Variants in LRRC7 observed in about 807,000 individuals in gnomAD.
The protein encoded by LRRC7 is leucine-rich repeat-containing protein 7.
In LRRC7, 23 loss-of-function variants were observed where a neutral mutation model predicts 175.7. The observed-to-expected ratio is 0.13, with a 90% confidence interval of 0.09 to 0.19. The LOEUF (loss-of-function observed/expected upper bound fraction) is 0.19, where lower values mean the gene tolerates loss of function less well. Among genes scored for constraint, LRRC7 ranks in the 10% least tolerant of loss-of-function variants. The pLI is 1.00. For missense variants in LRRC7, 1,354 were observed against 1,904.7 expected (o/e 0.71, Z 5.38); for synonymous variants, 685 against 680.9 (o/e 1.01, Z -0.09).
At chr1:69,611,412 T>G (rs567163421) in intron 1 of LRRC7, among the ~76,000 whole-genome samples, 13 of 152,200 alleles carry the variant, frequency 8.5e-5, no homozygotes, top group African/African-American at 3.1e-4. Flanking sequence ...GAAGTGATAG[T>G]TGTATTCTGA....
At chr1:69,666,910 T>C (rs994698543) in intron 1 of LRRC7, among the ~76,000 whole-genome samples, 2 of 152,136 alleles carry the variant, frequency 1.3e-5, no homozygotes, top group Non-Finnish European at 2.9e-5. Flanking sequence ...GGTTGTTTAT[T>C]TGAAGTTTTT....
chr1:69,894,601 G>A (rs556041663), intron 7 of LRRC7, among the ~76,000 whole-genome samples: 15 of 152,140 alleles, frequency 9.9e-5, no homozygotes, highest in African/African-American at 3.4e-4. Flanking sequence ...AAATGTCTAT[G>A]GACAGATGAA....
intron 11 of LRRC7, among the ~76,000 whole-genome samples, chr1:70,004,178 G>A (rs144759539): frequency 8.1e-4 from 123 of 152,172 alleles, no homozygotes; most frequent in Middle Eastern, 3.4e-3. Flanking sequence ...TAATGAATGC[G>A]TTTTCGTCAT....
intron 7 of LRRC7, among the ~76,000 whole-genome samples, chr1:69,898,662 ACTGCTG>A (rs35234345): frequency 9.9e-5 from 15 of 150,762 alleles, no homozygotes; most frequent in African/African-American, 2.7e-4. Flanking sequence ...TGCTATCATC[ACTGCTG>A]CTGCTGCTGC....
rs1666897386 is a variant in LRRC7 at position 70,136,890 on chromosome 1, T to C, written c.*15003T>C. On this transcript the variant is annotated 3_prime_UTR_variant, in exon 27 of 27. Coordinates refer to ENST00000651989, the MANE Select transcript of LRRC7 (RefSeq NM_001370785.2). ...ATAGGCATGCACCACCACTCCTGGC[T>C]AATTTTTTATTTTTTGCAGAGACAG... 6.6e-6 allele frequency among the ~76,000 whole-genome samples: 1 copy of C among 151,858 alleles called. No homozygotes were observed.
chr1:70,063,179 C>T (rs1466272366), intron 23 of LRRC7, among the ~76,000 whole-genome samples: 1 of 152,044 alleles, frequency 6.6e-6, no homozygotes, highest in Non-Finnish European at 1.5e-5. Context: ...TGTCAAAAAG[C>T]TATCAAGTCA....
At chr1:69,725,002 C>CAAATATA (rs1666785590) in intron 2 of LRRC7, among the ~76,000 whole-genome samples, 1 of 151,806 alleles carries the variant, frequency 6.6e-6, no homozygotes. Context: ...ATCACAAAAC[C>CAAATATA]AAATATAACT....
Position 69,982,629 on chromosome 1 carries a change from A to T in LRRC7, c.786+2176A>T, listed in dbSNP as rs531985970. ...AAGTCAGAGAAGCAAATAGATAATG[A>T]TCAAATATTTAGTCTTTTACATAGT... On this transcript the variant is annotated intron_variant, in intron 9 of 26. Coordinates refer to ENST00000651989, the MANE Select transcript of LRRC7 (RefSeq NM_001370785.2). Among the ~76,000 whole-genome samples the T allele has an allele frequency of 9.2e-5, 14 of 152,356 alleles. No individual in the cohort carries two copies. In the South Asian group the frequency reaches 2.9e-3, roughly 32 times the overall value.
At chr1:69,892,199 G>T (rs1474056217) in intron 7 of LRRC7, among the ~76,000 whole-genome samples, 1 of 152,182 alleles carries the variant, frequency 6.6e-6, no homozygotes, top group Non-Finnish European at 1.5e-5. Context: ...AGCATATCAG[G>T]CAGAGAAAAT....
intron 7 of LRRC7, among the ~76,000 whole-genome samples, chr1:69,864,144 A>G (rs1275901531): frequency 6.6e-6 from 1 of 152,052 alleles, no homozygotes; most frequent in Non-Finnish European, 1.5e-5. Context: ...CATCCCTCTT[A>G]TGTGCTCTCT....
intron 23 of LRRC7, among the ~76,000 whole-genome samples, chr1:70,067,379 A>G (rs917604500): frequency 1.1e-4 from 16 of 152,104 alleles, no homozygotes; most frequent in African/African-American, 3.6e-4. Flanking sequence ...ATCTGTTGCA[A>G]AGATTCTTTC....
At chr1:69,754,032 G>A (rs1188851507) in intron 2 of LRRC7, among the ~76,000 whole-genome samples, 1 of 152,048 alleles carries the variant, frequency 6.6e-6, no homozygotes, top group Non-Finnish European at 1.5e-5. Flanking sequence ...TAAGTGTAAA[G>A]AGCACAGAAA....
At chr1:70,002,888 T>C (rs144250906) in intron 11 of LRRC7, among the ~76,000 whole-genome samples, 1 of 152,324 alleles carries the variant, frequency 6.6e-6, no homozygotes, top group African/African-American at 2.4e-5. Context: ...TTTGGTGATA[T>C]AACATGAATG....
Position 70,123,879 on chromosome 1 carries a change from C to G in LRRC7, c.*1992C>G, listed in dbSNP as rs1458057198. ...CTGTAGTTTGGTGGCAATGAAACAT[C>G]TGAAATCATCCCATCAGTTTTTCTT... On this transcript the variant is annotated 3_prime_UTR_variant, in exon 27 of 27. Coordinates refer to ENST00000651989, the MANE Select transcript of LRRC7 (RefSeq NM_001370785.2). 6.6e-6 allele frequency among the ~76,000 whole-genome samples: 1 copy of G among 152,120 alleles called. No homozygotes were observed. Among genetic ancestry groups the G allele is most frequent in the Non-Finnish European group, 1.5e-5 (1 of 68,018 alleles).
rs564469386 is a variant in LRRC7, at chr1:70,135,305, G to A, written c.*13418G>A. Among the ~76,000 whole-genome samples the A allele has an allele frequency of 6.2e-4, 94 of 152,232 alleles. No homozygotes were observed. The highest frequency in any genetic ancestry group is 1.1e-3 in the Non-Finnish European group (73 of 68,010). On this transcript the variant is annotated 3_prime_UTR_variant, in exon 27 of 27. Coordinates refer to ENST00000651989, the MANE Select transcript of LRRC7 (RefSeq NM_001370785.2). ...ATGATCATCTCCTCAAAGCACGGGGGCTTGTGGCTTATTCTTTTCACTTTT... is the reference window on the plus strand; with the variant it reads ...ATGATCATCTCCTCAAAGCACGGGGACTTGTGGCTTATTCTTTTCACTTTT...
At chr1:69,764,886 A>T (rs1425411674) in intron 3 of LRRC7, among the ~76,000 whole-genome samples, 1 of 152,026 alleles carries the variant, frequency 6.6e-6, no homozygotes, top group Non-Finnish European at 1.5e-5. Flanking sequence ...CTGAAATAAG[A>T]TTTCCATGTT....
chr1:69,809,302 A>T (rs1677528151), intron 4 of LRRC7, among the ~76,000 whole-genome samples: 1 of 152,208 alleles, frequency 6.6e-6, no homozygotes, highest in South Asian at 2.1e-4. Flanking sequence ...AACCGAAAAA[A>T]GTCCCGGACT....
At chr1:69,842,290 CAT>C (rs999152432) in intron 7 of LRRC7, among the ~76,000 whole-genome samples, 8 of 151,846 alleles carry the variant, frequency 5.3e-5, no homozygotes, top group African/African-American at 9.7e-5. Context: ...AAAACTGTTC[CAT>C]GTGTGTGAGA....
chr1:69,682,434 A>G lies in LRRC7; in HGVS notation c.100+3956A>G, dbSNP rs148154945. On this transcript the variant is annotated intron_variant, in intron 2 of 26. Coordinates refer to ENST00000651989, the MANE Select transcript of LRRC7 (RefSeq NM_001370785.2). ...GGGCCATCTTAGAAGTCAACCTATC[A>G]TTTGCTAATCCATCAAGCATTGTTT... Among the ~76,000 whole-genome samples the G allele has an allele frequency of 2.8e-4, 43 of 152,204 alleles. No homozygotes were observed. In the East Asian group the frequency reaches 8.3e-3, roughly 29 times the overall value.
Sources: gnomAD v4.1 joint callset for allele counts (sites outside exome capture counted in the v4.1 genomes callset) on GRCh38, gnomAD v4.1.1 for gene constraint, MANE v1.5 for transcripts, NCBI Gene and HGNC (gene_info 2026-07-23, HGNC 2026-07-21) for gene names.